The following DSCAML1 variants were observed in gnomAD, a reference collection of about 807,000 sequenced individuals.
DSCAML1 encodes the protein DS cell adhesion molecule like 1.
DSCAML1 carries 38 observed loss-of-function variants against 200.5 expected under a neutral mutation model. The ratio of observed to expected loss-of-function variants is 0.19; its 90% CI spans 0.15 to 0.25. The LOEUF is 0.25. Ranked by LOEUF, DSCAML1 falls within the 10% of genes least tolerant of loss-of-function variation. DSCAML1 has a pLI of 1.00. For missense variants in DSCAML1, 2,223 were observed against 2,858.8 expected (o/e 0.78, Z 5.07); for synonymous variants, 1,215 against 1,165.0 (o/e 1.04, Z -0.87).
chr11:117,610,852 C>T (rs892732586), intron 3 of DSCAML1, among the ~76,000 whole-genome samples: 13 of 123,644 alleles, frequency 1.1e-4, no homozygotes, highest in African/African-American at 3.4e-4. Context: ...CCCCCCCCCC[C>T]ACAATGTGTT....
intron 3 of DSCAML1, among the ~76,000 whole-genome samples, chr11:117,600,571 C>T (rs2051447359): frequency 6.6e-6 from 1 of 152,164 alleles, no homozygotes; most frequent in African/African-American, 2.4e-5. Context: ...CCCTTTGCTC[C>T]CTGCTCCATT....
At chr11:117,645,168 G>C (rs2052497554) in intron 3 of DSCAML1, among the ~76,000 whole-genome samples, 1 of 152,222 alleles carries the variant, frequency 6.6e-6, no homozygotes, top group Admixed American at 6.5e-5. Context: ...GCCCAGGCAA[G>C]GATATCTGTA....
At chr11:117,511,612 C>T (rs2049619160) in intron 8 of DSCAML1, among the ~76,000 whole-genome samples, 1 of 152,182 alleles carries the variant, frequency 6.6e-6, no homozygotes, top group South Asian at 2.1e-4. Context: ...CACTGCCAGC[C>T]AGTGTCACAT....
chr11:117,637,724 T>A (rs2052321436), intron 3 of DSCAML1, among the ~76,000 whole-genome samples: 1 of 152,240 alleles, frequency 6.6e-6, no homozygotes, highest in Non-Finnish European at 1.5e-5. Flanking sequence ...TAGGGAAAAG[T>A]GGCAAAGGAA....
chr11:117,602,882 T>A (rs954968972), intron 3 of DSCAML1, among the ~76,000 whole-genome samples: 10 of 152,098 alleles, frequency 6.6e-5, no homozygotes, highest in Admixed American at 2.6e-4. Context: ...GTGGACCGTT[T>A]GAGCTCAGGA....
intron 3 of DSCAML1, among the ~76,000 whole-genome samples, chr11:117,714,084 ATAAT>A (rs1396709483): frequency 6.6e-6 from 1 of 152,230 alleles, no homozygotes; most frequent in East Asian, 1.9e-4. Flanking sequence ...AATGGGGATA[ATAAT>A]TAGTTAATCC....
chr11:117,568,675 A>T (rs916141068), intron 3 of DSCAML1, among the ~76,000 whole-genome samples: 7 of 152,092 alleles, frequency 4.6e-5, no homozygotes, highest in East Asian at 3.9e-4. Context: ...GACATGAACG[A>T]CCTCTTCAAG....
intron 3 of DSCAML1, among the ~76,000 whole-genome samples, chr11:117,535,132 T>C (rs1290456217): frequency 6.6e-6 from 1 of 152,100 alleles, no homozygotes; most frequent in Non-Finnish European, 1.5e-5. Context: ...AGAGCAAGAC[T>C]ACCAACACCC....
At chr11:117,695,892 G>A (rs1417873011) in intron 3 of DSCAML1, among the ~76,000 whole-genome samples, 1 of 152,216 alleles carries the variant, frequency 6.6e-6, no homozygotes, top group African/African-American at 2.4e-5. Context: ...CTACCTTGTA[G>A]GTTGTTGTTA....
At position 117,437,062 on chromosome 11, in the gene DSCAML1, AC is replaced by A; in HGVS notation, c.4720+59del. The A allele has an allele frequency of 6.4e-7, 1 of 1,554,726 alleles. No individual in the cohort carries two copies. On this transcript the variant is annotated intron_variant, in intron 26 of 32. Coordinates refer to ENST00000651296, the MANE Select transcript of DSCAML1 (RefSeq NM_020693.4). This position sits in a 1 kb window ranked among gnomAD's most constrained non-coding sequence, Gnocchi z 5.3. ...TCTTTATGTATCTGCCACTCTGCCC[AC>A]TTCCTTCGCACCACCCTGCTCCAGC...
intron 3 of DSCAML1, among the ~76,000 whole-genome samples, chr11:117,614,307 C>T (rs1479872425): frequency 6.6e-6 from 1 of 152,140 alleles, no homozygotes; most frequent in Non-Finnish European, 1.5e-5. Flanking sequence ...GACAATCGTG[C>T]AACAGCCCTA....
At chr11:117,520,249 G>A (rs925175286) in intron 6 of DSCAML1, among the ~76,000 whole-genome samples, 16 of 152,328 alleles carry the variant, frequency 1.1e-4, no homozygotes, top group African/African-American at 3.4e-4. Context: ...GCTGGGCAAC[G>A]TGTGCAGTGA....
At chr11:117,681,375 G>A (rs988077256) in intron 3 of DSCAML1, among the ~76,000 whole-genome samples, 3 of 152,138 alleles carry the variant, frequency 2.0e-5, no homozygotes, top group Admixed American at 6.5e-5. Flanking sequence ...TGATTCTTAC[G>A]TGCATTCATA....
intron 3 of DSCAML1, among the ~76,000 whole-genome samples, chr11:117,688,753 A>G (rs2053449621): frequency 6.6e-6 from 1 of 152,202 alleles, no homozygotes; most frequent in South Asian, 2.1e-4. Flanking sequence ...GCCCTAAATG[A>G]ATGTACAATC....
At chr11:117,449,916 G>A (rs2048252805) in intron 20 of DSCAML1, among the ~76,000 whole-genome samples, 1 of 152,148 alleles carries the variant, frequency 6.6e-6, no homozygotes. Flanking sequence ...CCTCTCTGTG[G>A]GGCCCCTCAG....
chr11:117,723,294 G>A (rs781561891), intron 3 of DSCAML1, among the ~76,000 whole-genome samples: 4 of 152,082 alleles, frequency 2.6e-5, no homozygotes, highest in Non-Finnish European at 4.4e-5. Flanking sequence ...GGAAAAAATA[G>A]GGGATCCCCA....
intron 21 of DSCAML1, 106 bp from the exon 22 acceptor site, chr11:117,440,042 G>A (rs992044937): frequency 8.4e-6 from 8 of 954,036 alleles, no homozygotes; most frequent in African/African-American, 4.8e-5. Context: ...CTCCCTCCCC[G>A]ATCTGACCTC....
rs78000026 is a variant in DSCAML1 at position 117,625,073 on chromosome 11, C to A, written c.512-92551G>T. ...CCCCCAGGTGATTCCAACGTGTGGT[C>A]AGGTCTGGGAATCACTGGTCTGGGA... On this transcript the variant is annotated intron_variant, in intron 3 of 32. Transcript: ENST00000651296. Among the ~76,000 whole-genome samples the A allele has an allele frequency of 4.5e-3, 678 of 152,106 alleles. 7 individuals are homozygous for A. The East Asian group carries it at 0.05, about 11-fold the overall frequency.
intron 14 of DSCAML1, among the ~76,000 whole-genome samples, chr11:117,479,018 G>C (rs2048854529): frequency 6.6e-6 from 1 of 152,278 alleles, no homozygotes. Flanking sequence ...TCCCTGGACA[G>C]AGTGGCTTCT....
Sources: allele counts gnomAD v4.1 joint callset (sites outside exome capture counted in the v4.1 genomes callset), GRCh38; gene constraint gnomAD v4.1.1; non-coding constraint Gnocchi (gnomAD v3.1); transcripts MANE v1.5; gene names NCBI Gene and HGNC (gene_info 2026-07-23, HGNC 2026-07-21).